Variants in VWA8 observed in about 807,000 individuals in gnomAD.
VWA8 encodes von Willebrand factor A domain-containing protein 8.
In VWA8, 221 loss-of-function variants were observed where a neutral mutation model predicts 241.5. The observed-to-expected ratio is 0.91, with a 90% confidence interval of 0.82 to 1.02. The LOEUF is 1.02. VWA8 is among the 50% of genes least tolerant of loss of function. The probability of loss-of-function intolerance (pLI) is 0.00; values close to 1 mark genes in which losing one functional copy is unlikely to be tolerated. For synonymous variants in VWA8, 852 were observed against 827.1 expected (o/e 1.03, Z -0.52); for missense variants, 2,322 against 2,328.7 (o/e 1.00, Z 0.06).
intron 26 of VWA8, 55 bp from the exon 27 acceptor site, chr13:41,703,466 A>G (rs2045263411): frequency 6.7e-7 from 1 of 1,496,636 alleles, no homozygotes; most frequent in African/African-American, 1.4e-5. Context: ...AGTCATAGAA[A>G]AAAATAACAC....
chr13:41,836,465 A>G (rs1351767168), intron 12 of VWA8, among the ~76,000 whole-genome samples: 1 of 152,192 alleles, frequency 6.6e-6, no homozygotes, highest in East Asian at 1.9e-4. Context: ...ACTTCAGCAG[A>G]CATAAGAGGC....
At chr13:41,805,664 A>AT (rs1870157558) in intron 17 of VWA8, among the ~76,000 whole-genome samples, 1 of 152,162 alleles carries the variant, frequency 6.6e-6, no homozygotes, top group African/African-American at 2.4e-5. Flanking sequence ...AAATACAAAA[A>AT]TTAGCTGGTC....
chr13:41,753,148 A>G (rs1449268453), intron 21 of VWA8, among the ~76,000 whole-genome samples: 3 of 152,186 alleles, frequency 2.0e-5, no homozygotes, highest in Non-Finnish European at 4.4e-5. Context: ...ATATCTGCAG[A>G]AAATCTCACT....
intron 4 of VWA8, among the ~76,000 whole-genome samples, chr13:41,893,263 T>C (rs1039587265): frequency 6.6e-6 from 1 of 152,208 alleles, no homozygotes; most frequent in African/African-American, 2.4e-5. Flanking sequence ...CTGTTGAATT[T>C]TGCACTGTAT....
intron 5 of VWA8, among the ~76,000 whole-genome samples, chr13:41,887,881 A>G (rs1874624662): frequency 6.6e-6 from 1 of 152,268 alleles, no homozygotes; most frequent in Non-Finnish European, 1.5e-5. Context: ...CCAGAATCCA[A>G]TATAGACTAT....
At chr13:41,755,138 T>A (rs2045685285) in intron 21 of VWA8, among the ~76,000 whole-genome samples, 1 of 152,066 alleles carries the variant, frequency 6.6e-6, no homozygotes. Context: ...GCAGTGGGAT[T>A]GCTGGATCCT....
At chr13:41,782,647 T>C (rs1057020214) in intron 19 of VWA8, among the ~76,000 whole-genome samples, 2 of 152,068 alleles carry the variant, frequency 1.3e-5, no homozygotes, top group African/African-American at 4.8e-5. Flanking sequence ...ATAAAAAATA[T>C]AGTTTTGACA....
At chr13:41,911,189 G>A (rs544376866) in intron 3 of VWA8, among the ~76,000 whole-genome samples, 19 of 150,584 alleles carry the variant, frequency 1.3e-4, no homozygotes, top group South Asian at 1.3e-3. Context: ...TCAGCCTCCC[G>A]AGTAGCTGGG....
chr13:41,611,916 T>C (rs1462323343), intron 38 of VWA8, among the ~76,000 whole-genome samples, 184 bp from the exon 39 acceptor site: 1 of 152,176 alleles, frequency 6.6e-6, no homozygotes, highest in Non-Finnish European at 1.5e-5. Flanking sequence ...CTTTTTCCCA[T>C]CCATTAAAAT....
chr13:41,667,170 T>C (rs907320382), intron 37 of VWA8, among the ~76,000 whole-genome samples: 4 of 152,054 alleles, frequency 2.6e-5, no homozygotes, highest in South Asian at 4.1e-4. Context: ...AAACTGAAAA[T>C]AGAACTTAAT....
At position 41,609,211 on chromosome 13, in the gene VWA8, C is replaced by T. The variant is rs74776505; in HGVS notation, c.4877+2365G>A. 3.6e-3 allele frequency among the ~76,000 whole-genome samples: 545 copies of T among 152,134 alleles called. 3 individuals carry two copies. Among genetic ancestry groups the T allele is most frequent in the African/African-American group, 0.012 (490 of 41,506 alleles). On this transcript the variant is annotated intron_variant, in intron 39 of 44. Transcript: ENST00000379310. The stretch of plus-strand genomic sequence containing the variant: ...CCAATTATTCACACAAATCACATAA[C>T]GGGAAAGAGTGATAAGAGTTGTGGA...
chr13:41,572,167 G>C (rs940271341), intron 43 of VWA8, among the ~76,000 whole-genome samples: 3 of 151,306 alleles, frequency 2.0e-5, no homozygotes, highest in African/African-American at 7.3e-5. Context: ...CCCCGTCCGG[G>C]AGGGAGGTGG....
rs748928203 is a variant in VWA8, at chr13:41,575,731, T to G, written c.5370+9A>C. ...CTTTCATAATACAGAGGTAATAAAA[T>G]ATATTTACCTTCAGAATTTCTAGTC... On this transcript the variant is annotated intron_variant, in intron 43 of 44. Transcript: ENST00000379310. 3.1e-6 allele frequency: 5 copies of G among 1,597,946 alleles called. No individual in the cohort carries two copies. In the African/African-American group the frequency reaches 6.7e-5, roughly 21 times the overall value.
intron 21 of VWA8, among the ~76,000 whole-genome samples, chr13:41,745,385 T>C (rs575722454): frequency 2.0e-5 from 3 of 152,226 alleles, no homozygotes; most frequent in Admixed American, 6.5e-5. Context: ...TGAGAACATG[T>C]GGTGTTTGGT....
intron 21 of VWA8, among the ~76,000 whole-genome samples, chr13:41,749,357 TAGG>T (rs1566440760): frequency 6.6e-6 from 1 of 152,002 alleles, no homozygotes; most frequent in African/African-American, 2.4e-5. Context: ...CAGGAAACAA[TAGG>T]GGCTGGAGAG....
At chr13:41,709,601 A>C (rs778905708) in intron 26 of VWA8, among the ~76,000 whole-genome samples, 1 of 152,144 alleles carries the variant, frequency 6.6e-6, no homozygotes, top group Non-Finnish European at 1.5e-5. Context: ...TTTTCTTAAA[A>C]TGTCTCCAGT....
chr13:41,895,869 T>C (rs1875082676), intron 4 of VWA8, among the ~76,000 whole-genome samples: 1 of 145,984 alleles, frequency 6.9e-6, no homozygotes, highest in South Asian at 2.2e-4. Flanking sequence ...TACAAAAACA[T>C]TTACCAAAGC....
chr13:41,673,395 G>T (rs1272631722), intron 36 of VWA8, among the ~76,000 whole-genome samples: 1 of 152,146 alleles, frequency 6.6e-6, no homozygotes, highest in African/African-American at 2.4e-5. Context: ...GTCCAGATGG[G>T]TTGTTCCCTT....
chr13:41,873,541 G>T (rs1873745649), intron 9 of VWA8, among the ~76,000 whole-genome samples: 1 of 152,178 alleles, frequency 6.6e-6, no homozygotes, highest in African/African-American at 2.4e-5. Context: ...TACCATCAGA[G>T]AATGCTACAA....
Sources: gnomAD v4.1 joint callset for allele counts (sites outside exome capture counted in the v4.1 genomes callset) on GRCh38, gnomAD v4.1.1 for gene constraint, MANE v1.5 for transcripts, NCBI Gene and HGNC (gene_info 2026-07-23, HGNC 2026-07-21) for gene names.